Variants in NOS1 observed in about 807,000 individuals in gnomAD.
NOS1 encodes nitric oxide synthase 1.
In NOS1, 51 loss-of-function variants were observed where a neutral mutation model predicts 164.5. That is an observed-to-expected ratio of 0.31 (90% confidence interval 0.25 to 0.39). The LOEUF (loss-of-function observed/expected upper bound fraction) is 0.39. Among genes scored for constraint, NOS1 ranks in the 10% least tolerant of loss-of-function variants. NOS1 has a pLI of 1.00. For synonymous variants in NOS1, 719 were observed against 745.8 expected, an observed-to-expected ratio of 0.96 and a Z score of 0.59; for missense variants, 1,362 against 1,885.6, an observed-to-expected ratio of 0.72 and a Z score of 5.14.
rs550271532 is a variant in NOS1, at chr12:117,264,994, T to C, written c.2136+322A>G. 1.2e-4 allele frequency among the ~76,000 whole-genome samples: 18 copies of C among 151,512 alleles called. No homozygotes were observed. The East Asian group carries it at 2.9e-3, about 25-fold the overall frequency. On this transcript the variant is annotated intron_variant, in intron 12 of 28. Transcript: ENST00000317775. ...CTGGGATCACAGGTGTGACCCACCA[T>C]GCCCAGCCTGCTAATTAAAAAAAAA...
At chr12:117,233,723 G>A (rs572702687) in intron 21 of NOS1, among the ~76,000 whole-genome samples, 125 of 149,956 alleles carry the variant, frequency 8.3e-4, no homozygotes, top group Non-Finnish European at 1.4e-3. Context: ...CAGGAGAATC[G>A]CTTGAACCTG....
intron 3 of NOS1, among the ~76,000 whole-genome samples, chr12:117,297,103 AGGAT>A (rs1873467874): frequency 6.6e-6 from 1 of 152,248 alleles, no homozygotes; most frequent in African/African-American, 2.4e-5. Flanking sequence ...TGCTAAGCCA[AGGAT>A]GTTGGCCTTG....
rs1874083818 is a variant in NOS1 at position 117,285,964 on chromosome 12, C to A, written c.1290+140G>T. 3.5e-6 allele frequency: 3 copies of A among 848,264 alleles called. No homozygotes were observed. The East Asian group carries it at 7.6e-5, about 22-fold the overall frequency. 52.5% of individuals were successfully genotyped at this position (848,264 alleles called of 1,614,324 possible). A position where few individuals can be genotyped will look rare whatever the true frequency, so the allele number is the denominator to read the frequency against. ...CTGGCTGTGATCTTGGAATGTGGGA[C>A]CCCGTGACCATCATCTGATAGGTCA... is the stretch of plus-strand genomic sequence containing the variant. On this transcript the variant is annotated intron_variant, in intron 6 of 28. Transcript: ENST00000317775.
intron 1 of NOS1, among the ~76,000 whole-genome samples, chr12:117,335,729 T>TGAAAGAGAGAGA (rs1875775709): frequency 8.9e-6 from 1 of 112,540 alleles, no homozygotes; most frequent in South Asian, 3.3e-4. Context: ...ACAGACTATA[T>TGAAAGAGAGAGA]GAGAGAGAGA....
intron 1 of NOS1, among the ~76,000 whole-genome samples, chr12:117,346,585 C>T (rs1876361556): frequency 6.6e-6 from 1 of 152,180 alleles, no homozygotes; most frequent in Non-Finnish European, 1.5e-5. Context: ...TGCTTTGCTA[C>T]CCAAAGCGTG....
chr12:117,302,688 C>T (rs1438970123), intron 3 of NOS1, among the ~76,000 whole-genome samples: 1 of 151,836 alleles, frequency 6.6e-6, no homozygotes, highest in African/African-American at 2.4e-5. Flanking sequence ...CTCATGAGTC[C>T]AAGGGTTAAA....
At chr12:117,308,881 C>T (rs971829389) in intron 3 of NOS1, among the ~76,000 whole-genome samples, 2 of 152,138 alleles carry the variant, frequency 1.3e-5, no homozygotes, top group Non-Finnish European at 2.9e-5. Flanking sequence ...AGGTGTGAGC[C>T]ACCGTGCCTG....
chr12:117,325,417 T>G (rs1309760238), intron 2 of NOS1, among the ~76,000 whole-genome samples: 1 of 152,036 alleles, frequency 6.6e-6, no homozygotes, highest in African/African-American at 2.4e-5. Context: ...GTGGAGGTAG[T>G]TTTGGTTGTT....
At chr12:117,241,419 C>T (rs749370760) in intron 20 of NOS1, among the ~76,000 whole-genome samples, 1 of 151,488 alleles carries the variant, frequency 6.6e-6, no homozygotes, top group African/African-American at 2.4e-5. Context: ...CAAGGGGGTC[C>T]TATGGCACTT....
intron 8 of NOS1, 29 bp downstream of exon 8, chr12:117,280,696 G>A (rs1193952348): frequency 6.2e-7 from 1 of 1,602,466 alleles, no homozygotes; most frequent in Admixed American, 1.7e-5. Flanking sequence ...CCCATGTTGG[G>A]GCAGGGTAGG....
intron 2 of NOS1, 101 bp from the exon 3 acceptor site, chr12:117,311,693 C>T: frequency 7.6e-7 from 1 of 1,308,606 alleles, no homozygotes; most frequent in Non-Finnish European, 1.0e-6. Flanking sequence ...CTCAGTAGCT[C>T]ACTCACATAA....
At chr12:117,262,774 TG>T (rs57339505) in intron 13 of NOS1, among the ~76,000 whole-genome samples, 29,207 of 140,904 alleles carry the variant, frequency 0.21, 3,522 homozygotes, top group Admixed American at 0.36. Context: ...CTCTTTTTTT[TG>T]GGGCAGAAGG....
At chr12:117,322,599 C>T (rs1343787040) in intron 2 of NOS1, among the ~76,000 whole-genome samples, 4 of 139,262 alleles carry the variant, frequency 2.9e-5, no homozygotes, top group African/African-American at 8.1e-5. Context: ...CTTTCCCTCC[C>T]TCCTTCCTTT....
chr12:117,294,955 C>T (rs1368231605), intron 3 of NOS1, among the ~76,000 whole-genome samples: 2 of 152,156 alleles, frequency 1.3e-5, no homozygotes, highest in Non-Finnish European at 2.9e-5. Flanking sequence ...AGGAAATGGT[C>T]CTGCAGCCAG....
At chr12:117,312,291 A>G (rs558161004) in intron 2 of NOS1, among the ~76,000 whole-genome samples, 5 of 152,152 alleles carry the variant, frequency 3.3e-5, no homozygotes, top group Non-Finnish European at 7.3e-5. Flanking sequence ...CTGATCTCTA[A>G]CTCCTGGGCT....
chr12:117,329,549 T>A (rs1264983131), intron 2 of NOS1, among the ~76,000 whole-genome samples: 3 of 143,300 alleles, frequency 2.1e-5, no homozygotes, highest in African/African-American at 9.1e-5. Flanking sequence ...ACAGAGAAAC[T>A]TCTCTCTGTG....
At chr12:117,313,322 TCTCGCC>T (rs1309801767) in intron 2 of NOS1, among the ~76,000 whole-genome samples, 2 of 152,126 alleles carry the variant, frequency 1.3e-5, no homozygotes, top group Admixed American at 1.3e-4. Context: ...TTGGAGACAG[TCTCGCC>T]CTGTTACCCA....
chr12:117,304,723 T>A lies in NOS1; in HGVS notation c.852+6743A>T, dbSNP rs536528924. Among the ~76,000 whole-genome samples the A allele has an allele frequency of 1.7e-4, 26 of 152,326 alleles. 1 individual carries two copies. In the South Asian group the frequency reaches 5.4e-3, roughly 32 times the overall value. On this transcript the variant is annotated intron_variant, in intron 3 of 28. Transcript: ENST00000317775. ...CTCGTCTCACTGGCCCCACCCACAG[T>A]GACCCAGACTGTTGGCAAGAGAAAT...
At chr12:117,222,368 G>C (rs1383703824) in intron 26 of NOS1, among the ~76,000 whole-genome samples, 2 of 152,108 alleles carry the variant, frequency 1.3e-5, no homozygotes, top group Non-Finnish European at 2.9e-5. Context: ...TGATTCTCCT[G>C]CCTCAGCCTG....
Sources: gnomAD v4.1 joint callset for allele counts (sites outside exome capture counted in the v4.1 genomes callset) on GRCh38, gnomAD v4.1.1 for gene constraint, MANE v1.5 for transcripts, NCBI Gene and HGNC (gene_info 2026-07-23, HGNC 2026-07-21) for gene names.